CRYBG3: variants seen among roughly 807,000 people sequenced by gnomAD.
CRYBG3 encodes very large A-kinase anchor protein.
In CRYBG3, 127 loss-of-function variants were observed where a neutral mutation model predicts 244.2. The observed-to-expected ratio is 0.52, with a 90% CI of 0.45 to 0.60. The LOEUF (loss-of-function observed/expected upper bound fraction) is 0.60. Ranked by LOEUF, CRYBG3 falls within the 20% of genes least tolerant of loss-of-function variation. The pLI, the probability that CRYBG3 is intolerant of heterozygous loss-of-function variation, is 0.00. For missense variants in CRYBG3, 3,325 were observed against 3,442.5 expected (o/e 0.97, Z 0.85); for synonymous variants, 1,132 against 1,195.8 (o/e 0.95, Z 1.10).
Position 97,877,980 on chromosome 3 carries a change from A to G in CRYBG3, c.6786A>G (p.Pro2262=), listed in dbSNP as rs752485058. Reference sequence around the variant, plus strand: ...GATTTGGTGGAATTTTTCAGGAACCAGTGTCAAAATATTTCCGTGTTCAAG... The same window carrying G: ...GATTTGGTGGAATTTTTCAGGAACCGGTGTCAAAATATTTCCGTGTTCAAG... ...GARFGGIFQE[P]VSKYFRVQDS... is the part of the protein sequence containing the mutation. Residue 2262 remains proline, a synonymous_variant, in exon 4 of 22, where the codon CCA becomes CCG. Coordinates refer to ENST00000389622, the MANE Select transcript of CRYBG3 (RefSeq NM_153605.4). 17 of 1,614,020 alleles carry G rather than the reference A, an allele frequency of 1.1e-5. No individual in the cohort carries two copies. In the African/African-American group the frequency reaches 1.7e-4, roughly 16 times the overall value.
chr3:97,913,444 A>T lies in CRYBG3; in HGVS notation c.8114+1168A>T, dbSNP rs191965752. ...CCCAGCTACTGTCAACACTGCTATT[A>T]GATGTAGCACAAAAGCAGCCATACA... On this transcript the variant is annotated intron_variant, in intron 16 of 21. Transcript: ENST00000389622. 1.7e-4 allele frequency among the ~76,000 whole-genome samples: 26 copies of T among 152,352 alleles called. No homozygotes were observed. In the East Asian group the frequency reaches 4.8e-3, roughly 28 times the overall value.
chr3:97,900,922 C>G (rs1354240802), intron 15 of CRYBG3, among the ~76,000 whole-genome samples: 1 of 152,052 alleles, frequency 6.6e-6, no homozygotes, highest in Admixed American at 6.5e-5. Flanking sequence ...AACTTGAAAC[C>G]CTATATTCAT....
intron 4 of CRYBG3, among the ~76,000 whole-genome samples, chr3:97,879,302 T>G (rs2039418627): frequency 6.6e-6 from 1 of 152,172 alleles, no homozygotes; most frequent in African/African-American, 2.4e-5. Flanking sequence ...CATTTTCCAC[T>G]CACTGAAATA....
intron 17 of CRYBG3, among the ~76,000 whole-genome samples, chr3:97,920,220 G>A (rs1168162477): frequency 6.6e-6 from 1 of 152,048 alleles, no homozygotes; most frequent in Admixed American, 6.6e-5. Flanking sequence ...AGAATTAGAT[G>A]GCATAACAAA....
Position 97,933,708 on chromosome 3 carries a change from C to A in CRYBG3, c.8256C>A (p.Pro2752=). The A allele has an allele frequency of 6.2e-7, 1 of 1,612,968 alleles. No homozygotes were observed. The highest frequency in any genetic ancestry group is 8.5e-7 in the Non-Finnish European group (1 of 1,179,326). Residue 2752 remains proline (P), a synonymous_variant, in exon 18 of 22, where the codon CCC becomes CCA. Transcript: ENST00000389622. ...TCTGCTAATAGGTTTTTGAAGAACCCTCCATCAGCCTTTTTGCTCTGGAGC... is the reference window on the plus strand; with the variant it reads ...TCTGCTAATAGGTTTTTGAAGAACCATCCATCAGCCTTTTTGCTCTGGAGC... The part of the protein sequence containing the change: ...LKPIDYVFEE[P]SISLFALEHC...
chr3:97,915,817 G>A (rs2039922960), intron 17 of CRYBG3, 81 bp downstream of exon 17: 1 of 1,097,318 alleles, frequency 9.1e-7, no homozygotes, highest in Non-Finnish European at 1.3e-6. Context: ...TGTGAAGTTG[G>A]AAGAAATGAT....
chr3:97,872,369 T>C lies in CRYBG3; in HGVS notation c.1175T>C (p.Val392Ala), dbSNP rs1484029299. ...TTAACAGGAAGTAACCATCGCAAAG[T>C]CCCTTGCAGCCCAGATTTTCAGAGA... ...ALLTGSNHRK[V>A]PCSPDFQRVT... The change falls in exon 4 of 22, where the codon GTC becomes GCC. Residue 392 changes from valine (V) to alanine (A), a missense_variant. By Grantham distance (64) the Val-to-Ala change is moderately conservative. Coordinates refer to ENST00000389622, the MANE Select transcript of CRYBG3 (RefSeq NM_153605.4). The C allele has an allele frequency of 1.3e-5, 20 of 1,535,682 alleles. No individual in the cohort carries two copies. Among genetic ancestry groups the C allele is most frequent in the Non-Finnish European group, 1.5e-5 (17 of 1,146,788 alleles).
chr3:97,827,931 A>G (rs1433842513), intron 1 of CRYBG3, among the ~76,000 whole-genome samples: 4 of 152,222 alleles, frequency 2.6e-5, no homozygotes, highest in Non-Finnish European at 5.9e-5. Flanking sequence ...TGGAATGGAA[A>G]TAAAAGACAA....
intron 1 of CRYBG3, among the ~76,000 whole-genome samples, chr3:97,842,095 C>T (rs1486164405): frequency 6.6e-6 from 1 of 152,122 alleles, no homozygotes; most frequent in Non-Finnish European, 1.5e-5. Flanking sequence ...ATTAGTCTCT[C>T]TAACTAGACT....
At chr3:97,924,444 G>A (rs564178667) in intron 17 of CRYBG3, 1 of 445,046 alleles carries the variant, frequency 2.2e-6, no homozygotes, top group African/African-American at 2.0e-5. Flanking sequence ...TCCTATTGCT[G>A]ATGTAACAAA....
At position 97,892,874 on chromosome 3, in the gene CRYBG3, A is replaced by G; in HGVS notation, c.7455A>G (p.Glu2485=). The G allele has an allele frequency of 6.7e-7, 1 of 1,490,900 alleles. No homozygotes were observed. Among genetic ancestry groups the G allele is most frequent in the African/African-American group, 1.4e-5 (1 of 69,924 alleles). The allele number at this position is 1,490,900 out of a possible 1,614,324, so 92.4% of individuals were successfully genotyped here. A position where few individuals can be genotyped will look rare whatever the true frequency, so the allele number is the denominator to read the frequency against. ...MPMNLKVIIY[E]KPHFHGQAKE... ...TAATTTTTCAGGTTATTATTTATGA[A>G]AAACCTCACTTCCATGGACAGGCTA... Residue 2485 remains glutamate (E), a synonymous_variant, in exon 11 of 22, where the codon GAA becomes GAG. Transcript: ENST00000389622.
intron 1 of CRYBG3, among the ~76,000 whole-genome samples, chr3:97,830,995 G>A (rs2038647045): frequency 6.6e-6 from 1 of 152,028 alleles, no homozygotes; most frequent in African/African-American, 2.4e-5. Context: ...TTATAATTTG[G>A]GGATGTGAGT....
chr3:97,822,459 G>C, intron 1 of CRYBG3, 104 bp downstream of exon 1: 1 of 1,116,820 alleles, frequency 9.0e-7, no homozygotes, highest in Non-Finnish European at 1.2e-6. Context: ...CCAGGCTGCA[G>C]TTCGCTCGCC....
At chr3:97,831,643 A>G (rs964442381) in intron 1 of CRYBG3, among the ~76,000 whole-genome samples, 1 of 152,158 alleles carries the variant, frequency 6.6e-6, no homozygotes, top group Non-Finnish European at 1.5e-5. Flanking sequence ...TGCAATGTGT[A>G]ATGATCAAAT....
Position 97,888,338 on chromosome 3 carries a change from T to C in CRYBG3, c.7290-3T>C, listed in dbSNP as rs2039533304. ...CTTTAACTAACTATCTATTTTTATATAGTTGGCTTGCCTACCCAGATATTA... is the reference window on the plus strand; with the variant it reads ...CTTTAACTAACTATCTATTTTTATACAGTTGGCTTGCCTACCCAGATATTA... On this transcript the variant is annotated splice_region_variant and splice_polypyrimidine_tract_variant and intron_variant, in intron 8 of 21. Coordinates refer to ENST00000389622, the MANE Select transcript of CRYBG3 (RefSeq NM_153605.4). The C allele has an allele frequency of 6.4e-7, 1 of 1,551,886 alleles. No homozygotes were observed. The highest frequency in any genetic ancestry group is 1.4e-5 in the African/African-American group (1 of 73,348).
At chr3:97,839,294 G>A (rs2038779572) in intron 1 of CRYBG3, among the ~76,000 whole-genome samples, 1 of 152,014 alleles carries the variant, frequency 6.6e-6, no homozygotes, top group African/African-American at 2.4e-5. Flanking sequence ...CAAGCCTTTT[G>A]AGTCCTTTTT....
At chr3:97,843,474 G>T (rs1306908858) in intron 2 of CRYBG3, among the ~76,000 whole-genome samples, 1 of 152,172 alleles carries the variant, frequency 6.6e-6, no homozygotes, top group East Asian at 1.9e-4. Flanking sequence ...GGAGTATACA[G>T]AGTGGTGTTC....
intron 1 of CRYBG3, among the ~76,000 whole-genome samples, chr3:97,831,921 G>A (rs1004954162): frequency 2.0e-5 from 3 of 150,380 alleles, no homozygotes; most frequent in African/African-American, 4.9e-5. Flanking sequence ...CTTTACCATC[G>A]TTTCCATGGG....
At position 97,864,559 on chromosome 3, in the gene CRYBG3, G is replaced by C; in HGVS notation, c.559G>C (p.Glu187Gln). 1 of 1,535,834 alleles carries C rather than the reference G, an allele frequency of 6.5e-7. No individual in the cohort carries two copies. The highest frequency in any genetic ancestry group is 8.7e-7 in the Non-Finnish European group (1 of 1,146,752). Reference protein sequence around the residue: ...SLRTQTHPTEEQDSNSSELSD... With the variant: ...SLRTQTHPTEQQDSNSSELSD... ...AAGAACCCAGACACATCCAACAGAA[G>C]AACAAGACTCTAACTCATCCGAACT... Residue 187 changes from glutamate to glutamine, a missense_variant, in exon 3 of 22, where the codon GAA becomes CAA. This residue lies in a region of CRYBG3 where 1,526 missense variants were observed against 1,443.2 expected (regional missense o/e 1.06). Coordinates refer to ENST00000389622, the MANE Select transcript of CRYBG3 (RefSeq NM_153605.4).
Sources: gnomAD v4.1 joint callset for allele counts (sites outside exome capture counted in the v4.1 genomes callset) on GRCh38, gnomAD v4.1.1 for gene constraint, gnomAD v4.1.1 regional missense constraint, MANE v1.5 for transcripts, NCBI Gene and HGNC (gene_info 2026-07-23, HGNC 2026-07-21) for gene names.